The following ROBO1 variants were observed in gnomAD, a reference collection of about 807,000 sequenced individuals.
ROBO1 encodes the protein roundabout homolog 1.
In ROBO1, 149 loss-of-function variants were observed where a neutral mutation model predicts 195.9. The observed-to-expected ratio is 0.76, with a 90% confidence interval of 0.67 to 0.87. The LOEUF is 0.87. Among genes scored for constraint, ROBO1 ranks in the 40% least tolerant of loss-of-function variants. The pLI is 0.00. For missense variants in ROBO1, 1,933 were observed against 2,068.3 expected (o/e 0.93, Z 1.27); for synonymous variants, 816 against 733.2 (o/e 1.11, Z -1.82).
At chr3:78,611,492 A>C (rs541503966) in intron 28 of ROBO1, among the ~76,000 whole-genome samples, 1 of 152,318 alleles carries the variant, frequency 6.6e-6, no homozygotes, top group Admixed American at 6.5e-5. Flanking sequence ...AACTTGTAAG[A>C]GGCAAATATG....
intron 4 of ROBO1, among the ~76,000 whole-genome samples, chr3:78,915,988 A>T (rs572374813): frequency 6.6e-6 from 1 of 152,252 alleles, no homozygotes; most frequent in South Asian, 2.1e-4. Context: ...GCGGTGGCTC[A>T]CGCCTGTAAT....
At chr3:78,639,997 A>C (rs749196889) in intron 21 of ROBO1, 99 bp from the exon 22 acceptor site, 20 of 973,364 alleles carry the variant, frequency 2.1e-5, no homozygotes, top group Middle Eastern at 3.4e-4. Context: ...TATGCTCACA[A>C]ATCATCTGAT....
At chr3:78,946,020 T>C (rs1257163519) in intron 3 of ROBO1, among the ~76,000 whole-genome samples, 2 of 151,344 alleles carry the variant, frequency 1.3e-5, no homozygotes, top group Non-Finnish European at 2.9e-5. Context: ...TATAGGACCA[T>C]GTGAAAAGAC....
intron 4 of ROBO1, among the ~76,000 whole-genome samples, chr3:78,907,001 T>C (rs562893603): frequency 6.6e-6 from 1 of 152,260 alleles, no homozygotes; most frequent in East Asian, 1.9e-4. Flanking sequence ...ATGAAGACTA[T>C]TCAGCTTCAT....
At chr3:79,660,371 G>T (rs929171620) in intron 1 of ROBO1, among the ~76,000 whole-genome samples, 1 of 152,092 alleles carries the variant, frequency 6.6e-6, no homozygotes, top group African/African-American at 2.4e-5. Context: ...TTTATACAAG[G>T]CTATGTTTCC....
intron 4 of ROBO1, among the ~76,000 whole-genome samples, chr3:78,766,616 T>G (rs2083234326): frequency 6.6e-6 from 1 of 152,210 alleles, no homozygotes; most frequent in Non-Finnish European, 1.5e-5. Flanking sequence ...TATTTCTTTC[T>G]CTTGACTGAT....
chr3:78,696,965 G>A (rs2081311328), intron 8 of ROBO1, among the ~76,000 whole-genome samples: 1 of 151,314 alleles, frequency 6.6e-6, no homozygotes, highest in African/African-American at 2.4e-5. Flanking sequence ...TTTATATGTT[G>A]AACGAAATAT....
In ROBO1 at chr3:79,362,214, G is replaced by T. The variant is rs1267486381; in HGVS notation, c.88+227610C>A. Among the ~76,000 whole-genome samples the T allele has an allele frequency of 2.0e-5, 3 of 152,024 alleles. No homozygotes were observed. In the East Asian group the frequency reaches 5.8e-4, roughly 29 times the overall value. On this transcript the variant is annotated intron_variant, in intron 2 of 30. Transcript: ENST00000464233. ...AAGATACAAGACAGTAGCTTTAAAG[G>T]ATAAACCAGACCTCAGAAGGGAAAG... is the stretch of plus-strand genomic sequence containing the variant.
At chr3:79,085,366 CAT>C (rs1191442886) in intron 3 of ROBO1, among the ~76,000 whole-genome samples, 4 of 152,140 alleles carry the variant, frequency 2.6e-5, no homozygotes, top group East Asian at 1.9e-4. Context: ...GAAACACTAA[CAT>C]GTGTGATTGG....
At chr3:79,689,849 A>G (rs949355761) in intron 1 of ROBO1, among the ~76,000 whole-genome samples, 4 of 152,056 alleles carry the variant, frequency 2.6e-5, no homozygotes, top group African/African-American at 7.2e-5. Flanking sequence ...ACAAATATTG[A>G]GAAGAAAATA....
intron 1 of ROBO1, among the ~76,000 whole-genome samples, chr3:79,598,881 C>T (rs978222759): frequency 1.3e-5 from 2 of 152,054 alleles, no homozygotes; most frequent in African/African-American, 4.8e-5. Context: ...ATTCCACTGC[C>T]TGCAACATCC....
chr3:79,545,805 G>A (rs1942242088), intron 2 of ROBO1, among the ~76,000 whole-genome samples: 1 of 152,124 alleles, frequency 6.6e-6, no homozygotes, highest in Non-Finnish European at 1.5e-5. Flanking sequence ...AATCAAAGCA[G>A]AGTCTGGTAA....
intron 4 of ROBO1, among the ~76,000 whole-genome samples, chr3:78,800,645 C>A (rs1003055924): frequency 1.3e-5 from 2 of 152,114 alleles, no homozygotes; most frequent in African/African-American, 4.8e-5. Flanking sequence ...CAACCTCCGC[C>A]ACCTGGGTTC....
intron 1 of ROBO1, among the ~76,000 whole-genome samples, chr3:79,688,356 CTT>C: frequency 6.6e-6 from 1 of 152,066 alleles, no homozygotes; most frequent in Non-Finnish European, 1.5e-5. Context: ...TACCCTAAAA[CTT>C]AAAGTATAAT....
At chr3:79,153,797 G>T (rs2108645015) in intron 2 of ROBO1, among the ~76,000 whole-genome samples, 2 of 148,884 alleles carry the variant, frequency 1.3e-5, no homozygotes, top group African/African-American at 2.4e-5. Flanking sequence ...ATATTACTCA[G>T]ATATACTGAA....
chr3:79,485,121 A>G (rs992288996), intron 2 of ROBO1, among the ~76,000 whole-genome samples: 5 of 152,032 alleles, frequency 3.3e-5, no homozygotes, highest in African/African-American at 1.2e-4. Flanking sequence ...TAATTGTACT[A>G]ATCTTACTAT....
chr3:79,187,279 G>C (rs2108747662), intron 2 of ROBO1, among the ~76,000 whole-genome samples: 1 of 152,046 alleles, frequency 6.6e-6, no homozygotes. Flanking sequence ...TGACCATCTG[G>C]AAGAGATACC....
chr3:78,755,419 A>G (rs1252580095), intron 4 of ROBO1, among the ~76,000 whole-genome samples: 2 of 152,156 alleles, frequency 1.3e-5, no homozygotes, highest in Non-Finnish European at 2.9e-5. Context: ...GGCCACTTTG[A>G]GACATGATTG....
intron 2 of ROBO1, among the ~76,000 whole-genome samples, chr3:79,533,500 A>C (rs2107618118): frequency 6.6e-6 from 1 of 152,268 alleles, no homozygotes. Flanking sequence ...CTAATATTCT[A>C]ATGACTTCCT....
Sources: allele counts gnomAD v4.1 joint callset (sites outside exome capture counted in the v4.1 genomes callset), GRCh38; gene constraint gnomAD v4.1.1; transcripts MANE v1.5; gene names NCBI Gene and HGNC (gene_info 2026-07-23, HGNC 2026-07-21).